Variants in ICE2 observed in about 807,000 individuals in gnomAD.
ICE2 encodes the protein little elongation complex subunit 2.
A neutral mutation model predicts 105.4 loss-of-function variants in ICE2; 87 were observed. The ratio of observed to expected loss-of-function variants is 0.83; its 90% CI spans 0.69 to 0.99. ICE2 has a LOEUF of 0.99. Ranked by LOEUF, ICE2 falls within the 50% of genes least tolerant of loss-of-function variation. ICE2 has a pLI of 0.00. For missense variants in ICE2, 1,323 were observed against 1,146.7 expected, an observed-to-expected ratio of 1.15 and a Z score of -2.22; for synonymous variants, 399 against 392.0, an observed-to-expected ratio of 1.02 and a Z score of -0.21.
At chr15:60,433,392 G>C (rs926178883) in intron 13 of ICE2, among the ~76,000 whole-genome samples, 6 of 150,786 alleles carry the variant, frequency 4.0e-5, no homozygotes, top group African/African-American at 1.5e-4. Flanking sequence ...GGCCAAATCA[G>C]GTATTTAAAA....
intron 7 of ICE2, 73 bp from the exon 8 acceptor site, chr15:60,455,235 CAGAA>C: frequency 6.6e-7 from 1 of 1,522,022 alleles, no homozygotes; most frequent in Non-Finnish European, 8.9e-7. Flanking sequence ...CAAAAAAAGT[CAGAA>C]AGGGGACTTT....
In ICE2 at chr15:60,466,645, T is replaced by C. The variant is rs141928868; in HGVS notation, c.477A>G (p.Lys159=). ...FLKFLQNSAK[K]CAQDYNMLSD... is the part of the protein sequence containing the mutation. The stretch of plus-strand genomic sequence containing the variant: ...AAAGCATATTATAATCCTGCGCACA[T>C]TTCTTTGCAGAATTCTGCAAAAACT... Residue 159 remains lysine (K), a synonymous_variant, in exon 5 of 16, where the codon AAA becomes AAG. Transcript: ENST00000261520. 687 of 1,611,806 alleles carry C rather than the reference T, an allele frequency of 4.3e-4. 1 individual carries two copies. The highest frequency in any genetic ancestry group is 5.4e-4 in the Non-Finnish European group (632 of 1,179,670).
In ICE2 at chr15:60,455,331, G is replaced by A. The variant is rs772036104; in HGVS notation, c.778C>T (p.His260Tyr). 15 of 1,609,148 alleles carry A rather than the reference G, an allele frequency of 9.3e-6. No individual in the cohort carries two copies. In the Admixed American group the frequency reaches 2.3e-4, roughly 25 times the overall value. Residue 260 changes from histidine to tyrosine, a missense_variant, in exon 7 of 16, where the codon CAT becomes TAT. Transcript: ENST00000261520. ...AATGTTGCCTTGGTACTTACATAAT[G>A]CATAGCTTCAGCTGTTTGTTCTGAC... is the stretch of plus-strand genomic sequence containing the variant. ...ETSEQTAEAM[H>Y]YDISKDPNAE...
intron 14 of ICE2, among the ~76,000 whole-genome samples, chr15:60,430,072 A>G (rs1360306356): frequency 6.6e-6 from 1 of 152,212 alleles, no homozygotes; most frequent in African/African-American, 2.4e-5. Context: ...AATATGTTAC[A>G]TGGCCAAAGG....
At chr15:60,445,813 G>A (rs2063810373) in intron 11 of ICE2, 1 of 983,072 alleles carries the variant, frequency 1.0e-6, no homozygotes, top group South Asian at 4.7e-5. Flanking sequence ...ATACAAAGTG[G>A]TATGGGTTCA....
In ICE2 at chr15:60,452,027, A is replaced by G. The variant is rs963706514; in HGVS notation, c.1125+1576T>C. 3.2e-6 allele frequency: 3 copies of G among 934,436 alleles called. No individual in the cohort carries two copies. The African/African-American group carries it at 5.3e-5, about 17-fold the overall frequency. The allele number at this position is 934,436 out of a possible 1,614,324, so 57.9% of individuals were successfully genotyped here. ...TGTCATCAATAAAAGGAGGGTCCAA[A>G]TTACCTGGTCTACCATTACTGAAAG... On this transcript the variant is annotated intron_variant, in intron 9 of 15. Coordinates refer to ENST00000261520, the MANE Select transcript of ICE2 (RefSeq NM_024611.6).
At chr15:60,464,409 T>G (rs960015311) in intron 5 of ICE2, among the ~76,000 whole-genome samples, 5 of 151,620 alleles carry the variant, frequency 3.3e-5, no homozygotes, top group Non-Finnish European at 5.9e-5. Context: ...TAAGCAAAAA[T>G]AAAATGTGGT....
At chr15:60,455,624 T>G (rs1207225841) in intron 6 of ICE2, among the ~76,000 whole-genome samples, 182 bp from the exon 7 acceptor site, 1 of 112,920 alleles carries the variant, frequency 8.9e-6, no homozygotes, top group Admixed American at 8.6e-5. Flanking sequence ...TACCTGTGGG[T>G]TTTTTTTTTT....
chr15:60,461,117 G>A (rs1272190973), intron 5 of ICE2, among the ~76,000 whole-genome samples: 3 of 151,948 alleles, frequency 2.0e-5, no homozygotes, highest in South Asian at 2.1e-4. Flanking sequence ...GTGGGGGGGC[G>A]AGTCAGGAAG....
rs937747827 is a variant in ICE2, at chr15:60,428,541, G to A, written c.2708C>T (p.Ser903Leu). 10 of 1,614,036 alleles carry A rather than the reference G, an allele frequency of 6.2e-6. No individual in the cohort carries two copies. Among genetic ancestry groups the A allele is most frequent in the Non-Finnish European group, 8.5e-6 (10 of 1,180,042 alleles). ...GGGATCTAATGGGACCCAGGGAACT[G>A]AGAGACTGGAAGGTACACCAGGAAG... The part of the protein sequence containing the change: ...CGLPGVPSSL[S>L]VPWVPLDPSL... The change falls in exon 15 of 16, where the codon TCA becomes TTA. Residue 903 changes from serine (S) to leucine (L), a missense_variant. Ser to Leu is a moderately radical substitution (Grantham distance 145, BLOSUM62 -2). Transcript: ENST00000261520.
intron 11 of ICE2, 130 bp downstream of exon 11, chr15:60,447,840 A>C (rs2063857474): frequency 5.4e-6 from 4 of 746,580 alleles, no homozygotes; most frequent in Middle Eastern, 2.5e-4. Context: ...AAAACAAAAA[A>C]CAAAAAACAA....
At chr15:60,430,205 C>T (rs1274383678) in intron 14 of ICE2, among the ~76,000 whole-genome samples, 3 of 152,138 alleles carry the variant, frequency 2.0e-5, no homozygotes, top group Admixed American at 6.5e-5. Context: ...AAGGGAGATG[C>T]GACTGTACAA....
intron 5 of ICE2, among the ~76,000 whole-genome samples, chr15:60,459,220 C>T (rs1273324173): frequency 6.6e-6 from 1 of 152,114 alleles, no homozygotes; most frequent in Admixed American, 6.5e-5. Context: ...CACAATCAGC[C>T]AGCAGGATTT....
chr15:60,456,492 C>G lies in ICE2; in HGVS notation c.666+165G>C, dbSNP rs534178231. On this transcript the variant is annotated intron_variant, in intron 6 of 15. Coordinates refer to ENST00000261520, the MANE Select transcript of ICE2 (RefSeq NM_024611.6). ...CTGGGAGGTGAAGGCTGCAGTGAGC[C>G]GAGATCATGCCATTACACGCCAGGC... 5.0e-4 allele frequency among the ~76,000 whole-genome samples: 71 copies of G among 142,048 alleles called. No individual in the cohort carries two copies. In the South Asian group the frequency reaches 0.015, roughly 30 times the overall value. The allele number at this position is 142,048 out of a possible 152,430, so 93.2% of individuals were successfully genotyped here.
intron 4 of ICE2, 53 bp downstream of exon 4, chr15:60,468,008 A>G (rs1030131909): frequency 2.8e-6 from 4 of 1,424,290 alleles, no homozygotes; most frequent in South Asian, 3.1e-5. Flanking sequence ...TAAGATAAAA[A>G]TATTTCCTAA....
intron 3 of ICE2, among the ~76,000 whole-genome samples, chr15:60,472,209 T>G (rs1447290700): frequency 2.6e-5 from 4 of 152,166 alleles, no homozygotes; most frequent in Non-Finnish European, 5.9e-5. Context: ...ACTTTTTATA[T>G]TATTCATTTG....
rs965806591 is a variant in ICE2, at chr15:60,478,087, G to A, written c.-92-18C>T. 2.0e-6 allele frequency: 2 copies of A among 987,724 alleles called. No individual in the cohort carries two copies. Among genetic ancestry groups the A allele is most frequent in the African/African-American group, 1.6e-5 (1 of 62,638 alleles). The allele number at this position is 987,724 out of a possible 1,614,324, so 61.2% of individuals were successfully genotyped here. ...TTACTCAGCTGAGTAAAAACAAAAG[G>A]CCAAGATCAAAAGCAAGTGATTGGC... On this transcript the variant is annotated intron_variant, in intron 1 of 15. Coordinates refer to ENST00000261520, the MANE Select transcript of ICE2 (RefSeq NM_024611.6).
Position 60,420,317 on chromosome 15 carries a change from T to TC in ICE2, c.*3316dup, listed in dbSNP as rs1024598622. The TC allele has an allele frequency of 1.3e-5, 2 of 151,832 alleles. No homozygotes were observed. The highest frequency in any genetic ancestry group is 2.9e-5 in the Non-Finnish European group (2 of 68,016). 9.4% of individuals were successfully genotyped at this position (151,832 alleles called of 1,614,324 possible). ...AACTGAGTTGTCATTTTTTTTTTTT[T>TC]CCTTATACATCACTTGAGCCCACTC... On this transcript the variant is annotated 3_prime_UTR_variant, in exon 16 of 16. Coordinates refer to ENST00000261520, the MANE Select transcript of ICE2 (RefSeq NM_024611.6).
At chr15:60,475,739 T>G (rs556793234) in intron 3 of ICE2, among the ~76,000 whole-genome samples, 2 of 152,286 alleles carry the variant, frequency 1.3e-5, no homozygotes, top group East Asian at 3.9e-4. Context: ...AGTACTATAC[T>G]AAACAATTAT....
Sources: allele counts gnomAD v4.1 joint callset (sites outside exome capture counted in the v4.1 genomes callset), GRCh38; gene constraint gnomAD v4.1.1; transcripts MANE v1.5; gene names NCBI Gene and HGNC (gene_info 2026-07-23, HGNC 2026-07-21).